Variants in EPRS1 observed in about 807,000 individuals in gnomAD.
EPRS1 encodes glutamyl-prolyl-tRNA synthetase 1.
A neutral mutation model predicts 188.3 loss-of-function variants in EPRS1; 107 were observed. That is an observed-to-expected ratio of 0.57 (90% CI 0.49 to 0.67). The LOEUF is 0.67. EPRS1 is among the 30% of genes least tolerant of loss of function. EPRS1 has a pLI of 0.00. For missense variants in EPRS1, 1,577 were observed against 1,802.2 expected, an observed-to-expected ratio of 0.88 and a Z score of 2.26; for synonymous variants, 596 against 593.1, an observed-to-expected ratio of 1.00 and a Z score of -0.07.
chr1:220,018,700 A>G (rs1661792640), intron 11 of EPRS1, among the ~76,000 whole-genome samples, 192 bp from the exon 12 acceptor site: 1 of 152,096 alleles, frequency 6.6e-6, no homozygotes, highest in Non-Finnish European at 1.5e-5. Context: ...GTAAAGGTTC[A>G]GTCTACAGAC....
intron 18 of EPRS1, among the ~76,000 whole-genome samples, chr1:219,989,557 C>T (rs1027332687): frequency 1.6e-4 from 24 of 152,120 alleles, no homozygotes; most frequent in African/African-American, 5.6e-4. Context: ...GTCTCCAAAT[C>T]ACCCTATCCA....
At chr1:220,045,611 A>G (rs1288072532) in intron 1 of EPRS1, among the ~76,000 whole-genome samples, 1 of 152,230 alleles carries the variant, frequency 6.6e-6, no homozygotes, top group Non-Finnish European at 1.5e-5. Context: ...AATCTTGGTC[A>G]TGTCGAAAAA....
chr1:220,045,854 G>C (rs956857487), intron 1 of EPRS1, among the ~76,000 whole-genome samples: 1 of 152,160 alleles, frequency 6.6e-6, no homozygotes, highest in Non-Finnish European at 1.5e-5. Flanking sequence ...TCGATAAAAC[G>C]TAAGGAAAAT....
intron 20 of EPRS1, among the ~76,000 whole-genome samples, chr1:219,985,277 T>C (rs1660985717): frequency 6.6e-6 from 1 of 152,172 alleles, no homozygotes; most frequent in Admixed American, 6.5e-5. Context: ...GTTAAAATTA[T>C]AGTAAGATCA....
intron 18 of EPRS1, 38 bp from the exon 19 acceptor site, chr1:219,988,861 T>C (rs1408361317): frequency 4.7e-5 from 58 of 1,231,610 alleles, no homozygotes; most frequent in Non-Finnish European, 6.4e-5. Flanking sequence ...TATAAAACTT[T>C]GGAAATTTCT....
At chr1:220,025,879 C>A (rs543422325) in intron 6 of EPRS1, among the ~76,000 whole-genome samples, 3 of 151,994 alleles carry the variant, frequency 2.0e-5, no homozygotes, top group South Asian at 4.2e-4. Context: ...ACTGCAACCT[C>A]CACCTCCTGG....
At position 220,006,237 on chromosome 1, in the gene EPRS1, C is replaced by G. The variant is rs2102580421; in HGVS notation, c.1819G>C (p.Val607Leu). The G allele has an allele frequency of 6.2e-7, 1 of 1,601,006 alleles. No individual in the cohort carries two copies. Among genetic ancestry groups the G allele is most frequent in the South Asian group, 1.1e-5 (1 of 89,474 alleles). ...ENKDYKKTTK[V>L]TWLAETTHAL... is the part of the protein sequence containing the mutation. ...TGTGTAGTCTCTGCAAGCCAAGTGACCTTAGTGGTTTTCTTGTAGTCTTTG... is the reference window on the plus strand; with the variant it reads ...TGTGTAGTCTCTGCAAGCCAAGTGAGCTTAGTGGTTTTCTTGTAGTCTTTG... The change falls in exon 15 of 32, where the codon GTC (valine) becomes CTC (leucine). Residue 607 changes from valine to leucine, a missense_variant. Around this residue, in one of 3 missense-constraint regions of EPRS1, gnomAD observed 1,278 missense variants for 1,457.4 expected, o/e 0.88. Transcript: ENST00000366923.
At chr1:220,015,796 A>AT (rs1661691569) in intron 12 of EPRS1, among the ~76,000 whole-genome samples, 9 of 52,048 alleles carry the variant, frequency 1.7e-4, no homozygotes, top group Non-Finnish European at 4.7e-4. Context: ...AGGTAATATA[A>AT]AAAAAAAAAA....
At chr1:220,013,227 C>T (rs557179397) in intron 12 of EPRS1, among the ~76,000 whole-genome samples, 36 of 152,274 alleles carry the variant, frequency 2.4e-4, no homozygotes, top group Non-Finnish European at 4.4e-4. Context: ...CTTGAAATGT[C>T]TCCTACCACT....
Position 219,984,257 on chromosome 1 carries a change from C to G in EPRS1, c.3039G>C (p.Arg1013Ser). 6.2e-7 allele frequency: 1 copy of G among 1,611,140 alleles called. No individual in the cohort carries two copies. Among genetic ancestry groups the G allele is most frequent in the Non-Finnish European group, 8.5e-7 (1 of 1,177,398 alleles). The change falls in exon 21 of 32, where the codon AGG (arginine) becomes AGC (serine). Residue 1013 changes from arginine to serine, a missense_variant and splice_region_variant. By Grantham distance (110) the Arg-to-Ser change is moderately radical (BLOSUM62 -1). This residue lies in a region of EPRS1 where 1,278 missense variants were observed against 1,457.4 expected (regional missense o/e 0.88). Transcript: ENST00000366923. ...CTTCTTTTTTTGCCTCAAGACCCAA[C>G]CTGCAGATGTGAAAAGTAAAAGATA... Reference protein sequence around the residue: ...GEGQGPKKQTRLGLEAKKEEN... With the variant: ...GEGQGPKKQTSLGLEAKKEEN...
intron 30 of EPRS1, among the ~76,000 whole-genome samples, chr1:219,970,931 C>T (rs1009956138): frequency 1.3e-5 from 2 of 152,126 alleles, no homozygotes; most frequent in Non-Finnish European, 2.9e-5. Context: ...CTATTTTGTA[C>T]TCATTTTACA....
At chr1:220,009,506 T>G (rs1283446211) in intron 13 of EPRS1, among the ~76,000 whole-genome samples, 1 of 151,912 alleles carries the variant, frequency 6.6e-6, no homozygotes, top group Non-Finnish European at 1.5e-5. Context: ...GGCAACATGG[T>G]CTAAACCTGT....
intron 18 of EPRS1, among the ~76,000 whole-genome samples, chr1:219,993,290 T>C (rs1239242661): frequency 3.9e-5 from 6 of 152,214 alleles, no homozygotes; most frequent in African/African-American, 9.6e-5. Flanking sequence ...TTCAGTGTTA[T>C]TATATCTTTG....
chr1:219,986,473 T>C (rs1292386566), intron 20 of EPRS1, among the ~76,000 whole-genome samples: 6 of 152,198 alleles, frequency 3.9e-5, no homozygotes, highest in African/African-American at 9.6e-5. Context: ...CAGGTTTCCA[T>C]ACATGCTCCA....
rs377162886 is a variant in EPRS1 at position 219,982,884 on chromosome 1, A to C, written c.3301-40T>G. On this transcript the variant is annotated intron_variant, in intron 22 of 31. Transcript: ENST00000366923. ...TCATTTTTCATACTTTTTTTTCAAT[A>C]GCATTTTGGAGCAACAGTACAAATG... The C allele has an allele frequency of 2.6e-6, 4 of 1,545,456 alleles. No individual in the cohort carries two copies. The African/African-American group carries it at 5.4e-5, about 21-fold the overall frequency.
In EPRS1 at chr1:220,030,476, G is replaced by C; in HGVS notation, c.533C>G (p.Pro178Arg). ...DVSTTKARVA[P>R]EKKQDVGKFV... ...TTTCCCAACATCTTGCTTTTTCTCAGGTGCCTGAAAAACACAACCACCATC... is the reference window on the plus strand; with the variant it reads ...TTTCCCAACATCTTGCTTTTTCTCACGTGCCTGAAAAACACAACCACCATC... The change falls in exon 6 of 32, where the codon CCT becomes CGT. Residue 178 changes from proline to arginine, a missense_variant. Physicochemically the swap from Pro to Arg is moderately radical, Grantham distance 103. Coordinates refer to ENST00000366923, the MANE Select transcript of EPRS1 (RefSeq NM_004446.3). 1.9e-6 allele frequency: 3 copies of C among 1,613,374 alleles called. No individual in the cohort carries two copies. Among genetic ancestry groups the C allele is most frequent in the Non-Finnish European group, 2.5e-6 (3 of 1,179,512 alleles).
At chr1:220,021,600 C>G (rs1326902592) in intron 9 of EPRS1, among the ~76,000 whole-genome samples, 1 of 152,100 alleles carries the variant, frequency 6.6e-6, no homozygotes, top group East Asian at 1.9e-4. Flanking sequence ...GTCACTTTTC[C>G]AAATGTATTG....
At chr1:220,028,266 T>C (rs1480249528) in intron 6 of EPRS1, among the ~76,000 whole-genome samples, 1 of 152,218 alleles carries the variant, frequency 6.6e-6, no homozygotes, top group Admixed American at 6.5e-5. Flanking sequence ...TTACAGTTAA[T>C]GTGCTTGGCT....
intron 18 of EPRS1, among the ~76,000 whole-genome samples, chr1:219,995,465 C>T (rs1327986029): frequency 1.3e-5 from 2 of 152,140 alleles, no homozygotes; most frequent in Non-Finnish European, 2.9e-5. Context: ...TATTTAGTGT[C>T]CAACAGATAC....
Sources: gnomAD v4.1 joint callset for allele counts (sites outside exome capture counted in the v4.1 genomes callset) on GRCh38, gnomAD v4.1.1 for gene constraint, gnomAD v4.1.1 regional missense constraint, MANE v1.5 for transcripts, NCBI Gene and HGNC (gene_info 2026-07-23, HGNC 2026-07-21) for gene names.